TBC1D12: variants seen among roughly 807,000 people sequenced by gnomAD.
TBC1D12 encodes TBC1 domain family member 12, also known as TBC1 domain family, member 12.
In TBC1D12, 56 loss-of-function variants were observed where a neutral mutation model predicts 86.7. That is an observed-to-expected ratio of 0.65 (90% CI 0.52 to 0.81). The LOEUF is 0.81. Among genes scored for constraint, TBC1D12 ranks in the 30% least tolerant of loss-of-function variants. The pLI is 0.00. For synonymous variants in TBC1D12, 421 were observed against 411.7 expected, an observed-to-expected ratio of 1.02 and a Z score of -0.27; for missense variants, 1,023 against 1,038.8, an observed-to-expected ratio of 0.98 and a Z score of 0.21.
chr10:94,441,422 C>T (rs542914196), intron 1 of TBC1D12, among the ~76,000 whole-genome samples: 2 of 151,906 alleles, frequency 1.3e-5, no homozygotes, highest in Non-Finnish European at 2.9e-5. Context: ...AATTTTGGCT[C>T]TTATTGTTAA....
At chr10:94,465,983 T>C (rs1326868642) in intron 2 of TBC1D12, among the ~76,000 whole-genome samples, 1 of 151,566 alleles carries the variant, frequency 6.6e-6, no homozygotes, top group African/African-American at 2.4e-5. Context: ...TATATACACA[T>C]ATATATGAAG....
intron 11 of TBC1D12, among the ~76,000 whole-genome samples, chr10:94,528,837 A>G (rs1328859395): frequency 3.1e-5 from 3 of 97,664 alleles, no homozygotes; most frequent in African/African-American, 1.2e-4. Context: ...AAAAAAAAAA[A>G]GAATTCACAT....
intron 2 of TBC1D12, among the ~76,000 whole-genome samples, chr10:94,472,998 A>T (rs371638216): frequency 2.6e-5 from 4 of 152,256 alleles, no homozygotes; most frequent in African/African-American, 9.6e-5. Context: ...AGGTAAGCTG[A>T]AGTTTGTAAG....
At chr10:94,437,984 C>T (rs2055327803) in intron 1 of TBC1D12, among the ~76,000 whole-genome samples, 1 of 109,754 alleles carries the variant, frequency 9.1e-6, no homozygotes, top group Admixed American at 9.7e-5. Context: ...TTTTCAATCT[C>T]CTGGAGCTTT....
In TBC1D12 at chr10:94,402,855, T is replaced by C; in HGVS notation, c.242T>C (p.Leu81Pro). 2 of 1,532,420 alleles carry C rather than the reference T, an allele frequency of 1.3e-6. No individual in the cohort carries two copies. The highest frequency in any genetic ancestry group is 1.8e-6 in the Non-Finnish European group (2 of 1,140,588). 94.9% of individuals were successfully genotyped at this position (1,532,420 alleles called of 1,614,324 possible). ...QRYLAAAGEQ[L>P]EPGLCYCPLP... Reference sequence around the variant, plus strand: ...TACCTCGCGGCGGCCGGGGAGCAGCTGGAGCCGGGGCTCTGCTACTGTCCG... The same window carrying C: ...TACCTCGCGGCGGCCGGGGAGCAGCCGGAGCCGGGGCTCTGCTACTGTCCG... The change falls in exon 1 of 13, where the codon CTG becomes CCG. Residue 81 changes from leucine (L) to proline (P), a missense_variant. Physicochemically the swap from Leu to Pro is moderately conservative, Grantham distance 98 (BLOSUM62 -3). Transcript: ENST00000225235.
chr10:94,493,171 CA>C (rs1369945255), intron 3 of TBC1D12, among the ~76,000 whole-genome samples, 193 bp from the exon 4 acceptor site: 2 of 150,698 alleles, frequency 1.3e-5, no homozygotes, highest in African/African-American at 2.4e-5. Flanking sequence ...CACACACACA[CA>C]CACCACATAT....
chr10:94,521,919 T>C (rs1455465069), intron 9 of TBC1D12, 36 bp from the exon 10 acceptor site: 1 of 1,533,912 alleles, frequency 6.5e-7, no homozygotes, highest in Non-Finnish European at 8.8e-7. Flanking sequence ...TTTATTATTG[T>C]AAGTCCATTT....
intron 11 of TBC1D12, among the ~76,000 whole-genome samples, chr10:94,526,738 T>C (rs1842299394): frequency 6.6e-6 from 1 of 152,230 alleles, no homozygotes; most frequent in Non-Finnish European, 1.5e-5. Context: ...TCAATTCCTT[T>C]GGGTATATAC....
chr10:94,403,667 C>CCGGAGT, intron 1 of TBC1D12, 83 bp downstream of exon 1: 1 of 1,385,816 alleles, frequency 7.2e-7, no homozygotes, highest in East Asian at 2.9e-5. Context: ...GGAGCCGGAG[C>CCGGAGT]CGGAGCCGGA....
chr10:94,483,417 A>G (rs1007449908), intron 3 of TBC1D12, among the ~76,000 whole-genome samples: 2 of 152,166 alleles, frequency 1.3e-5, no homozygotes, highest in Non-Finnish European at 2.9e-5. Context: ...TGTCCTCTTC[A>G]GCATTTGATA....
At chr10:94,507,820 T>C (rs1195021860) in intron 7 of TBC1D12, among the ~76,000 whole-genome samples, 1 of 151,996 alleles carries the variant, frequency 6.6e-6, no homozygotes, top group Non-Finnish European at 1.5e-5. Flanking sequence ...ACCCCATCTC[T>C]ACTAAAAAAA....
At chr10:94,426,878 AT>A (rs1183181797) in intron 1 of TBC1D12, among the ~76,000 whole-genome samples, 2 of 151,866 alleles carry the variant, frequency 1.3e-5, no homozygotes, top group Non-Finnish European at 2.9e-5. Flanking sequence ...AGGTGGCCTG[AT>A]TTTTTTTATT....
intron 11 of TBC1D12, among the ~76,000 whole-genome samples, chr10:94,526,519 C>T (rs1842293240): frequency 6.6e-6 from 1 of 151,738 alleles, no homozygotes; most frequent in African/African-American, 2.4e-5. Flanking sequence ...TTTCACTTAA[C>T]ATAATGTCCT....
intron 1 of TBC1D12, among the ~76,000 whole-genome samples, chr10:94,422,827 C>A (rs552986670): frequency 6.6e-6 from 1 of 152,280 alleles, no homozygotes; most frequent in South Asian, 2.1e-4. Context: ...CTGTCTCAGC[C>A]TCCCAAGTTG....
intron 1 of TBC1D12, among the ~76,000 whole-genome samples, chr10:94,421,888 T>G (rs2055078918): frequency 6.6e-6 from 1 of 152,258 alleles, no homozygotes; most frequent in Non-Finnish European, 1.5e-5. Context: ...TGTGTTTTTG[T>G]TGTTAAATTA....
chr10:94,424,224 TAGAA>T (rs1292806758), intron 1 of TBC1D12, among the ~76,000 whole-genome samples: 1 of 152,184 alleles, frequency 6.6e-6, no homozygotes, highest in Non-Finnish European at 1.5e-5. Context: ...TTCCTAGTTG[TAGAA>T]AGAGAGTAGT....
At chr10:94,462,050 T>C (rs2055737678) in intron 2 of TBC1D12, among the ~76,000 whole-genome samples, 1 of 152,200 alleles carries the variant, frequency 6.6e-6, no homozygotes, top group South Asian at 2.1e-4. Flanking sequence ...GTCAGTTTGC[T>C]AATACTATGT....
chr10:94,501,235 G>A (rs2056392280), intron 6 of TBC1D12, among the ~76,000 whole-genome samples: 4 of 152,032 alleles, frequency 2.6e-5, no homozygotes. Context: ...GATTGCCTGA[G>A]CTCAGGATTT....
intron 3 of TBC1D12, among the ~76,000 whole-genome samples, chr10:94,482,456 GTT>G (rs796238551): frequency 6.9e-6 from 1 of 145,338 alleles, no homozygotes. Flanking sequence ...TTCATTCTGG[GTT>G]TTTTTTTTTG....
Sources: gnomAD v4.1 joint callset for allele counts (sites outside exome capture counted in the v4.1 genomes callset) on GRCh38, gnomAD v4.1.1 for gene constraint, MANE v1.5 for transcripts, NCBI Gene and HGNC (gene_info 2026-07-23, HGNC 2026-07-21) for gene names.